LRRC37A2: variants seen among roughly 807,000 people sequenced by gnomAD.
The protein encoded by LRRC37A2 is leucine rich repeat containing 37 member A2, also known as leucine-rich repeat-containing protein 37A2.
Under a neutral mutation model 68.8 loss-of-function variants are expected in LRRC37A2, and 9 were observed. That is an observed-to-expected ratio of 0.13 (90% CI 0.08 to 0.23). The LOEUF is 0.23. Among genes scored for constraint, LRRC37A2 ranks in the 10% least tolerant of loss-of-function variants. The probability of loss-of-function intolerance (pLI) is 1.00; values close to 1 mark genes in which losing one functional copy is unlikely to be tolerated. For synonymous variants in LRRC37A2, 63 were observed against 367.6 expected, an observed-to-expected ratio of 0.17 and a Z score of 9.48; for missense variants, 168 against 950.4, an observed-to-expected ratio of 0.18 and a Z score of 10.82.
At chr17:47,040,253 G>A in the LRRC37A2 span, among the ~76,000 whole-genome samples, 1 of 148,030 alleles carries the variant, frequency 6.8e-6, no homozygotes, top group East Asian at 2.1e-4. Context: ...GACCACCCTG[G>A]GTAACTTCGC....
At chr17:46,494,262 G>A in the LRRC37A2 span, among the ~76,000 whole-genome samples, 4 of 150,812 alleles carry the variant, frequency 2.7e-5, no homozygotes, top group East Asian at 1.9e-4. Flanking sequence ...TTGTCTTAGC[G>A]GTGTCTTTTT....
chr17:46,847,286 A>T, the LRRC37A2 span, among the ~76,000 whole-genome samples: 1 of 152,216 alleles, frequency 6.6e-6, no homozygotes, highest in African/African-American at 2.4e-5. Flanking sequence ...GTGTTCCAGA[A>T]AAATCAAGTC....
chr17:46,548,832 C>T, exon 10 of LRRC37A2: 1 of 1,612,364 alleles, frequency 6.2e-7, no homozygotes, highest in Non-Finnish European at 8.5e-7. Context: ...GAAACGCCGT[C>T]TACACCAAGC....
the LRRC37A2 span, among the ~76,000 whole-genome samples, chr17:46,779,103 A>ACACACACACACACACACACACACCCCC: frequency 1.5e-5 from 2 of 133,590 alleles, no homozygotes; most frequent in Admixed American, 7.8e-5. Flanking sequence ...ACACACACAC[A>ACACACACACACACACACACACACCCCC]CCCCAGCCCA....
At chr17:47,005,668 C>T in the LRRC37A2 span, 1 of 152,084 alleles carries the variant, frequency 6.6e-6, no homozygotes, top group African/African-American at 2.4e-5. Context: ...TCACAGTGCA[C>T]GAGCTGAGAG....
chr17:46,772,017 C>T, the LRRC37A2 span, among the ~76,000 whole-genome samples: 1 of 151,528 alleles, frequency 6.6e-6, no homozygotes, highest in Non-Finnish European at 1.5e-5. Flanking sequence ...GCTGCCCGAC[C>T]CGCTGCGCCC....
At chr17:46,550,309 C>T in intron 10 of LRRC37A2, 106 bp from the exon 10 acceptor site, 2 of 317,348 alleles carry the variant, frequency 6.3e-6, no homozygotes, top group South Asian at 2.7e-5. Flanking sequence ...GTGAGACCCT[C>T]TTTCAAAAAA....
the LRRC37A2 span, chr17:46,710,862 G>C: frequency 1.7e-5 from 17 of 992,382 alleles, no homozygotes; most frequent in Non-Finnish European, 2.3e-5. Flanking sequence ...ATATGGGATA[G>C]TGATCAATAC....
At chr17:46,879,153 A>G in the LRRC37A2 span, among the ~76,000 whole-genome samples, 161 of 152,358 alleles carry the variant, frequency 1.1e-3, 1 homozygote, top group South Asian at 2.9e-3. Flanking sequence ...AAGTATTTAT[A>G]TTATTTATAT....
the LRRC37A2 span, among the ~76,000 whole-genome samples, chr17:46,879,666 C>A: frequency 6.6e-6 from 1 of 152,224 alleles, no homozygotes; most frequent in Admixed American, 6.5e-5. Context: ...GAGACTTGTT[C>A]AATGAATATT....
chr17:46,758,464 G>C, the LRRC37A2 span, among the ~76,000 whole-genome samples: 1 of 152,236 alleles, frequency 6.6e-6, no homozygotes, highest in African/African-American at 2.4e-5. Context: ...AAGAAGCAAA[G>C]GAGGCTCCAG....
At chr17:46,817,117 C>T in the LRRC37A2 span, among the ~76,000 whole-genome samples, 1 of 152,182 alleles carries the variant, frequency 6.6e-6, no homozygotes, top group African/African-American at 2.4e-5. Flanking sequence ...TTGGCCATGT[C>T]CCCACCCTCT....
At chr17:46,910,650 A>G in the LRRC37A2 span, among the ~76,000 whole-genome samples, 4 of 152,216 alleles carry the variant, frequency 2.6e-5, no homozygotes, top group African/African-American at 9.6e-5. Flanking sequence ...GGTGAATGCC[A>G]AGAACAATCA....
the LRRC37A2 span, among the ~76,000 whole-genome samples, chr17:46,970,207 C>T: frequency 6.6e-6 from 1 of 152,202 alleles, no homozygotes; most frequent in Non-Finnish European, 1.5e-5. Context: ...AAAACAGGTA[C>T]AGCTTCCATC....
At chr17:46,843,831 T>A in the LRRC37A2 span, among the ~76,000 whole-genome samples, 1 of 152,266 alleles carries the variant, frequency 6.6e-6, no homozygotes, top group African/African-American at 2.4e-5. Context: ...TTATGTGTCT[T>A]TCCCAACAAA....
At chr17:46,852,534 T>A in the LRRC37A2 span, among the ~76,000 whole-genome samples, 1 of 150,496 alleles carries the variant, frequency 6.6e-6, no homozygotes, top group South Asian at 2.1e-4. Flanking sequence ...AGGAACTATG[T>A]GGGGAATGTT....
the LRRC37A2 span, among the ~76,000 whole-genome samples, chr17:46,709,587 C>G: frequency 2.6e-5 from 4 of 151,786 alleles, no homozygotes; most frequent in South Asian, 2.1e-4. Flanking sequence ...CTCCGCCTCC[C>G]GGGTTCAAGC....
the LRRC37A2 span, among the ~76,000 whole-genome samples, chr17:47,001,416 C>T: frequency 1.3e-5 from 2 of 151,970 alleles, no homozygotes; most frequent in Admixed American, 6.6e-5. Context: ...GGGTTCTCAA[C>T]CATGCTCCAC....
chr17:47,018,425 T>C, the LRRC37A2 span: 2 of 1,586,942 alleles, frequency 1.3e-6, no homozygotes, highest in South Asian at 1.1e-5. Flanking sequence ...CCAGTGTCTC[T>C]GTGAAGCCTC....
Sources: allele counts gnomAD v4.1 joint callset (sites outside exome capture counted in the v4.1 genomes callset), GRCh38; gene constraint gnomAD v4.1.1; transcripts MANE v1.5; gene names NCBI Gene and HGNC (gene_info 2026-07-23, HGNC 2026-07-21).